Variants in TSPAN18 observed in about 807,000 individuals in gnomAD.
TSPAN18 encodes tetraspanin 18, also known as tetraspanin-18.
Under a neutral mutation model 27.3 loss-of-function variants are expected in TSPAN18, and 14 were observed. That is an observed-to-expected ratio of 0.51 (90% CI 0.34 to 0.80). TSPAN18 has a LOEUF of 0.80. Among genes scored for constraint, TSPAN18 ranks in the 30% least tolerant of loss-of-function variants. TSPAN18 has a pLI of 0.01. For synonymous variants in TSPAN18, 143 were observed against 136.5 expected (o/e 1.05, Z -0.33); for missense variants, 268 against 323.9 (o/e 0.83, Z 1.32).
chr11:44,760,081 C>A (rs4394833), intron 1 of TSPAN18, among the ~76,000 whole-genome samples: 80,412 of 151,954 alleles, frequency 0.53, 23,700 homozygotes, highest in East Asian at 0.9. Flanking sequence ...GGTGAGTTCA[C>A]TTTTACTGTG....
At chr11:44,908,070 A>AAAAAAGG (rs10671243) in intron 4 of TSPAN18, among the ~76,000 whole-genome samples, 1 of 149,818 alleles carries the variant, frequency 6.7e-6, no homozygotes. Context: ...AAAAAAAAAA[A>AAAAAAGG]GGAGAGAGAC....
At chr11:44,856,578 T>C (rs1466612652) in intron 2 of TSPAN18, among the ~76,000 whole-genome samples, 1 of 152,198 alleles carries the variant, frequency 6.6e-6, no homozygotes, top group Non-Finnish European at 1.5e-5. Context: ...GCCATAGGCA[T>C]CGTCTTCTGT....
chr11:44,919,978 G>C lies in TSPAN18; in HGVS notation c.594G>C (p.Arg198Ser), dbSNP rs778223964. 7 of 1,613,774 alleles carry C rather than the reference G, an allele frequency of 4.3e-6. No homozygotes were observed. The Admixed American group carries it at 1.2e-4, about 27-fold the overall frequency. ...GCCGGGAGGAGTGCCTCCTGGGAAGGAGCCTATTCCTAAACAAGCAGGTAC... is the reference window on the plus strand; with the variant it reads ...GCCGGGAGGAGTGCCTCCTGGGAAGCAGCCTATTCCTAAACAAGCAGGTAC... The part of the protein sequence containing the change: ...LLSREECLLG[R>S]SLFLNKQGCY... Residue 198 changes from arginine (R) to serine (S), a missense_variant, in exon 8 of 10, where the codon AGG (arginine) becomes AGC (serine). By Grantham distance (110) the Arg-to-Ser change is moderately radical (BLOSUM62 -1). Transcript: ENST00000520358.
chr11:44,917,372 G>C (rs1330571770), intron 5 of TSPAN18, among the ~76,000 whole-genome samples: 1 of 152,242 alleles, frequency 6.6e-6, no homozygotes, highest in African/African-American at 2.4e-5. Flanking sequence ...TCAGTGAGTG[G>C]AGCAGAAGAC....
At chr11:44,799,305 C>A (rs1298768835) in intron 2 of TSPAN18, among the ~76,000 whole-genome samples, 1 of 151,406 alleles carries the variant, frequency 6.6e-6, no homozygotes, top group Non-Finnish European at 1.5e-5. Flanking sequence ...AGGAGCCTGT[C>A]CCGCACCCCA....
At chr11:44,798,983 C>T (rs2135062524) in intron 2 of TSPAN18, among the ~76,000 whole-genome samples, 1 of 151,488 alleles carries the variant, frequency 6.6e-6, no homozygotes, top group Non-Finnish European at 1.5e-5. Flanking sequence ...ATCCCCACCC[C>T]CACCCCGCCT....
chr11:44,855,460 A>T (rs1267692805), intron 2 of TSPAN18, among the ~76,000 whole-genome samples: 1 of 152,228 alleles, frequency 6.6e-6, no homozygotes, highest in Non-Finnish European at 1.5e-5. Flanking sequence ...GACAATCACT[A>T]TATTCAAAGT....
At chr11:44,898,924 C>T (rs535761630) in intron 3 of TSPAN18, among the ~76,000 whole-genome samples, 26 of 152,308 alleles carry the variant, frequency 1.7e-4, no homozygotes, top group African/African-American at 5.1e-4. Flanking sequence ...TTGTTTTACA[C>T]GAAACAGTTG....
chr11:44,800,217 G>A (rs560357924), intron 2 of TSPAN18, among the ~76,000 whole-genome samples: 7 of 152,142 alleles, frequency 4.6e-5, no homozygotes, highest in African/African-American at 9.6e-5. Context: ...CCCAGGGCAC[G>A]TGCTTTAAGA....
chr11:44,899,184 G>C (rs1859170390), intron 3 of TSPAN18, among the ~76,000 whole-genome samples: 1 of 152,176 alleles, frequency 6.6e-6, no homozygotes, highest in African/African-American at 2.4e-5. Flanking sequence ...GCTGACTCCT[G>C]CATTTCATCC....
At chr11:44,924,097 T>TGTGTGTGTGTGTGTGTGTGTGTGTG (rs1554941244) in intron 8 of TSPAN18, among the ~76,000 whole-genome samples, 2 of 145,774 alleles carry the variant, frequency 1.4e-5, no homozygotes, top group African/African-American at 5.1e-5. Context: ...CCTTCTGGGG[T>TGTGTGTGTGTGTGTGTGTGTGTGTG]TGTGTGTGTG....
intron 8 of TSPAN18, among the ~76,000 whole-genome samples, chr11:44,920,732 C>A (rs1320521173): frequency 6.6e-6 from 1 of 152,040 alleles, no homozygotes; most frequent in Non-Finnish European, 1.5e-5. Context: ...TGGGCCCCAG[C>A]CCCCTTGCTT....
chr11:44,737,413 G>A (rs558086401), intron 1 of TSPAN18, among the ~76,000 whole-genome samples: 64 of 152,100 alleles, frequency 4.2e-4, no homozygotes, highest in Non-Finnish European at 7.8e-4. Context: ...GCCACCAGAG[G>A]CACTCCCTGA....
chr11:44,785,884 A>T (rs1236945897), intron 2 of TSPAN18, among the ~76,000 whole-genome samples: 3 of 152,208 alleles, frequency 2.0e-5, no homozygotes, highest in Non-Finnish European at 4.4e-5. Flanking sequence ...TTGCTGGCAG[A>T]GGGTTGCAAA....
chr11:44,877,796 G>A (rs1293515771), intron 3 of TSPAN18, among the ~76,000 whole-genome samples: 1 of 151,794 alleles, frequency 6.6e-6, no homozygotes, highest in Non-Finnish European at 1.5e-5. Context: ...GGCTGGGTAA[G>A]CTAGTCGTGG....
Position 44,909,845 on chromosome 11 carries a change from C to T in TSPAN18, c.204C>T (p.Leu68=), listed in dbSNP as rs200109095. Residue 68 remains leucine (L), a synonymous_variant, in exon 5 of 10, where the codon CTC becomes CTT. Coordinates refer to ENST00000520358, the MANE Select transcript of TSPAN18 (RefSeq NM_130783.5). ...LLAMGGLLFL[L]GFLGCCGAVR... is the part of the protein sequence containing the mutation. ...CCATGGGGGGCCTGCTCTTTCTGCT[C>T]GGCTTCCTGGGCTGCTGCGGGGCCG... 1.2e-3 allele frequency: 1,923 copies of T among 1,614,066 alleles called. 24 individuals carry two copies. The South Asian group carries it at 0.02, about 17-fold the overall frequency.
intron 2 of TSPAN18, among the ~76,000 whole-genome samples, chr11:44,793,937 A>G (rs1251851555): frequency 6.6e-6 from 1 of 152,152 alleles, no homozygotes. Flanking sequence ...ACTCTAAGAT[A>G]AGCAAGCCGC....
At chr11:44,881,378 C>T (rs1000974372) in intron 3 of TSPAN18, among the ~76,000 whole-genome samples, 2 of 152,184 alleles carry the variant, frequency 1.3e-5, no homozygotes, top group Non-Finnish European at 2.9e-5. Context: ...CACCAGTTCC[C>T]TCCAGGAGCA....
chr11:44,843,287 A>G (rs835786), intron 2 of TSPAN18, among the ~76,000 whole-genome samples: 133,360 of 152,160 alleles, frequency 0.88, 58,503 homozygotes, highest in East Asian at 0.93. Flanking sequence ...GACATCACAT[A>G]TTGGTGGGAT....
Sources: allele counts gnomAD v4.1 joint callset (sites outside exome capture counted in the v4.1 genomes callset), GRCh38; gene constraint gnomAD v4.1.1; transcripts MANE v1.5; gene names NCBI Gene and HGNC (gene_info 2026-07-23, HGNC 2026-07-21).